Variants in SUCO observed in about 807,000 individuals in gnomAD.
The protein encoded by SUCO is SUN domain containing ossification factor.
In SUCO, 57 loss-of-function variants were observed where a neutral mutation model predicts 148.1. The ratio of observed to expected loss-of-function variants is 0.38; its 90% CI spans 0.31 to 0.48. SUCO has a LOEUF of 0.48. Among genes scored for constraint, SUCO ranks in the 20% least tolerant of loss-of-function variants. The probability of loss-of-function intolerance (pLI) is 0.96; values close to 1 mark genes in which losing one functional copy is unlikely to be tolerated. For missense variants in SUCO, 1,331 were observed against 1,468.2 expected, an observed-to-expected ratio of 0.91 and a Z score of 1.53; for synonymous variants, 470 against 502.7, an observed-to-expected ratio of 0.93 and a Z score of 0.87.
At chr1:172,609,646 G>C (rs1168544859) in intron 23 of SUCO, 170 bp from the exon 24 acceptor site, 1 of 984,602 alleles carries the variant, frequency 1.0e-6, no homozygotes, top group Non-Finnish European at 1.2e-6. Context: ...ATGGGAAGAT[G>C]ATGCTAGTAT....
Position 172,589,811 on chromosome 1 carries a change from CT to C in SUCO, c.2712del (p.Val905TyrfsTer12). 6.2e-7 allele frequency: 1 copy of C among 1,611,112 alleles called. No individual in the cohort carries two copies. Among genetic ancestry groups the C allele is most frequent in the Non-Finnish European group, 8.5e-7 (1 of 1,179,064 alleles). ...AGATCTAGGATATGCTAATGGAAAT[CT>C]TGTACATGGATCAAACCAAAAGGAG... is the stretch of plus-strand genomic sequence containing the variant. ...STDLGYANGN[L>X]VHGSNQKESV... On this transcript the variant is annotated frameshift_variant, in exon 18 of 24. Transcript: ENST00000263688. LOFTEE classifies it high-confidence loss of function.
In SUCO at chr1:172,551,673, A is replaced by C. The variant is rs763435159; in HGVS notation, c.177+47A>C. 4 of 1,233,450 alleles carry C rather than the reference A, an allele frequency of 3.2e-6. No homozygotes were observed. The African/African-American group carries it at 6.1e-5, about 19-fold the overall frequency. 76.4% of individuals were successfully genotyped at this position (1,233,450 alleles called of 1,614,324 possible). The stretch of plus-strand genomic sequence containing the variant: ...TTATAATTTGTGTGTCAGCTTTCTG[A>C]GAGTGTCTGAAAACATTCAGAATAA... On this transcript the variant is annotated intron_variant, in intron 2 of 23. Transcript: ENST00000263688.
At chr1:172,597,453 T>TTGTG (rs201441611) in intron 19 of SUCO, among the ~76,000 whole-genome samples, 4 of 152,128 alleles carry the variant, frequency 2.6e-5, no homozygotes, top group Non-Finnish European at 5.9e-5. Flanking sequence ...TCATAGTACA[T>TTGTG]TGTGTGTGTG....
In SUCO at chr1:172,557,364, C is replaced by T. The variant is rs1653826172; in HGVS notation, c.528C>T (p.Ala176=). Residue 176 remains alanine (A), a synonymous_variant, in exon 5 of 24, where the codon GCC becomes GCT. Coordinates refer to ENST00000263688, the MANE Select transcript of SUCO (RefSeq NM_014283.5). ...QSETDCDVGE[A]LDASAPIEQP... ...AAACTGATTGTGATGTTGGTGAGGC[C>T]CTTGATGCTAGTGCTCCAATTGAAC... 1 of 1,613,876 alleles carries T rather than the reference C, an allele frequency of 6.2e-7. No homozygotes were observed. The highest frequency in any genetic ancestry group is 8.5e-7 in the Non-Finnish European group (1 of 1,179,888).
At chr1:172,577,614 A>G (rs375520768) in intron 12 of SUCO, 55 bp downstream of exon 12, 201 of 1,598,292 alleles carry the variant, frequency 1.3e-4, no homozygotes, top group Non-Finnish European at 1.7e-4. Context: ...GTATTAATGC[A>G]TTACAAAAAC....
intron 2 of SUCO, 48 bp downstream of exon 2, chr1:172,551,674 G>A (rs956598306): frequency 1.9e-5 from 23 of 1,228,502 alleles, no homozygotes; most frequent in Non-Finnish European, 2.6e-5. Flanking sequence ...AGCTTTCTGA[G>A]AGTGTCTGAA....
intron 15 of SUCO, among the ~76,000 whole-genome samples, chr1:172,579,956 C>T (rs1181700883): frequency 6.6e-6 from 1 of 152,054 alleles, no homozygotes; most frequent in Non-Finnish European, 1.5e-5. Flanking sequence ...AAAAACAAAT[C>T]TTAGTAAAAT....
intron 19 of SUCO, among the ~76,000 whole-genome samples, chr1:172,597,983 C>T (rs904938830): frequency 1.2e-4 from 18 of 152,160 alleles, no homozygotes; most frequent in African/African-American, 4.1e-4. Flanking sequence ...TATCAGTTTT[C>T]TCTTTGCTCT....
At chr1:172,566,821 AC>A (rs1225167456) in intron 6 of SUCO, among the ~76,000 whole-genome samples, 6 of 152,236 alleles carry the variant, frequency 3.9e-5, no homozygotes, top group Non-Finnish European at 8.8e-5. Flanking sequence ...GGCATGTCTT[AC>A]AGAAACTGCT....
intron 3 of SUCO, among the ~76,000 whole-genome samples, chr1:172,554,802 T>C (rs978123999): frequency 3.3e-5 from 5 of 151,912 alleles, no homozygotes; most frequent in African/African-American, 1.2e-4. Context: ...CATGTTCATA[T>C]GGTAATATAG....
intron 19 of SUCO, chr1:172,599,601 AAT>A: frequency 5.8e-6 from 1 of 172,254 alleles, no homozygotes; most frequent in Non-Finnish European, 1.2e-5. Context: ...GTTCCAATAT[AAT>A]ATGCTATGAA....
At chr1:172,577,686 T>A (rs1322409991) in intron 12 of SUCO, 78 bp from the exon 13 acceptor site, 5 of 1,572,402 alleles carry the variant, frequency 3.2e-6, no homozygotes, top group Non-Finnish European at 3.5e-6. Flanking sequence ...AATGTTATAA[T>A]GAAAAAACTG....
In SUCO at chr1:172,553,369, A is replaced by G. The variant is rs1180143028; in HGVS notation, c.287A>G (p.Gln96Arg). Reference sequence around the variant, plus strand: ...AAAGATGATTCTATTGTGGATGTACAAGTAAGCTATGTCGCTTTGATTTTC... The same window carrying G: ...AAAGATGATTCTATTGTGGATGTACGAGTAAGCTATGTCGCTTTGATTTTC... ...KLKDDSIVDVQNTESKKLSPP... is the reference protein window; with the variant it reads ...KLKDDSIVDVRNTESKKLSPP... The change falls in exon 3 of 24, where the codon CAA (glutamine) becomes CGA (arginine). Residue 96 changes from glutamine to arginine, a missense_variant and splice_region_variant. By Grantham distance (43) the Gln-to-Arg change is conservative. Coordinates refer to ENST00000263688, the MANE Select transcript of SUCO (RefSeq NM_014283.5). The G allele has an allele frequency of 6.4e-7, 1 of 1,574,702 alleles. No individual in the cohort carries two copies.
chr1:172,600,075 A>T lies in SUCO; in HGVS notation c.2925A>T (p.Gln975His), dbSNP rs539616596. Residue 975 changes from glutamine (Q) to histidine (H), a missense_variant, in exon 20 of 24, where the codon CAA becomes CAT. Gln to His is a conservative substitution (Grantham distance 24). Around this residue, in one of 3 missense-constraint regions of SUCO, gnomAD observed 334 missense variants for 352.3 expected, o/e 0.95. Coordinates refer to ENST00000263688, the MANE Select transcript of SUCO (RefSeq NM_014283.5). ...TTCCTTTATCATAGGATCAGCGGCAAACTGAAGCCATCCAGTTGCTACAGG... is the reference window on the plus strand; with the variant it reads ...TTCCTTTATCATAGGATCAGCGGCATACTGAAGCCATCCAGTTGCTACAGG... Reference protein sequence around the residue: ...SRIAEEQDQRQTEAIQLLQAQ... With the variant: ...SRIAEEQDQRHTEAIQLLQAQ... 7 of 1,604,262 alleles carry T rather than the reference A, an allele frequency of 4.4e-6. No homozygotes were observed. In the African/African-American group the frequency reaches 9.4e-5, roughly 22 times the overall value.
intron 19 of SUCO, among the ~76,000 whole-genome samples, chr1:172,594,580 T>C (rs571162978): frequency 1.3e-5 from 2 of 152,334 alleles, no homozygotes; most frequent in Admixed American, 6.5e-5. Context: ...TTCCATGTAG[T>C]TGAGCAGTTT....
chr1:172,576,137 A>G (rs1240453783), intron 11 of SUCO, among the ~76,000 whole-genome samples: 3 of 151,838 alleles, frequency 2.0e-5, no homozygotes, highest in East Asian at 3.8e-4. Context: ...CTGGTGTTTT[A>G]TATTTCCACT....
At chr1:172,568,458 TA>T in intron 6 of SUCO, 2 of 978,640 alleles carry the variant, frequency 2.0e-6, no homozygotes. Flanking sequence ...TATCAGCTTT[TA>T]AAAATGATTT....
At chr1:172,556,826 C>T in intron 4 of SUCO, 3 of 811,058 alleles carry the variant, frequency 3.7e-6, no homozygotes, top group African/African-American at 3.7e-5. Context: ...ATGCTATACT[C>T]CCATTATATT....
At chr1:172,590,852 G>T in intron 18 of SUCO, 132 bp from the exon 19 acceptor site, 1 of 624,724 alleles carries the variant, frequency 1.6e-6, no homozygotes, top group Non-Finnish European at 2.8e-6. Context: ...GAATTGTATT[G>T]CATAGGCCTG....
Sources: gnomAD v4.1 joint callset for allele counts (sites outside exome capture counted in the v4.1 genomes callset) on GRCh38, gnomAD v4.1.1 for gene constraint, gnomAD v4.1.1 regional missense constraint, MANE v1.5 for transcripts, NCBI Gene and HGNC (gene_info 2026-07-23, HGNC 2026-07-21) for gene names.